The following ITFG1 variants were observed in gnomAD, a reference collection of about 807,000 sequenced individuals.
ITFG1 encodes T-cell immunomodulatory protein.
In ITFG1, 34 loss-of-function variants were observed where a neutral mutation model predicts 81.8. The ratio of observed to expected loss-of-function variants is 0.42; its 90% CI spans 0.32 to 0.55. The LOEUF is 0.55. Among genes scored for constraint, ITFG1 ranks in the 20% least tolerant of loss-of-function variants. The probability of loss-of-function intolerance (pLI) is 0.17; values close to 1 mark genes in which losing one functional copy is unlikely to be tolerated. For synonymous variants in ITFG1, 285 were observed against 270.6 expected, an observed-to-expected ratio of 1.05 and a Z score of -0.52; for missense variants, 672 against 755.4, an observed-to-expected ratio of 0.89 and a Z score of 1.29.
intron 2 of ITFG1, among the ~76,000 whole-genome samples, chr16:47,457,537 T>C (rs1180359426): frequency 1.3e-5 from 2 of 152,096 alleles, no homozygotes; most frequent in Non-Finnish European, 2.9e-5. Flanking sequence ...TTTTAAAATA[T>C]GGTAATAAAC....
intron 14 of ITFG1, among the ~76,000 whole-genome samples, chr16:47,209,184 G>A (rs2048009): frequency 0.014 from 2,070 of 152,102 alleles, 20 homozygotes; most frequent in Non-Finnish European, 0.022. Flanking sequence ...TTTGAAATTG[G>A]AATATATTTT....
chr16:47,358,252 G>GAGACA (rs1169758161), intron 8 of ITFG1, among the ~76,000 whole-genome samples: 1 of 152,166 alleles, frequency 6.6e-6, no homozygotes, highest in Non-Finnish European at 1.5e-5. Flanking sequence ...TAGGCTAAGG[G>GAGACA]AGACAAAGGT....
intron 14 of ITFG1, among the ~76,000 whole-genome samples, chr16:47,166,688 T>C (rs879381263): frequency 1.2e-4 from 19 of 152,136 alleles, no homozygotes; most frequent in Non-Finnish European, 1.2e-4. Flanking sequence ...CTATATCTTA[T>C]TTAAAAATTA....
intron 7 of ITFG1, among the ~76,000 whole-genome samples, chr16:47,371,195 T>G (rs1051742715): frequency 8.5e-5 from 13 of 152,228 alleles, no homozygotes; most frequent in Non-Finnish European, 1.9e-4. Flanking sequence ...ATTTCCTAGC[T>G]CAACTCGCAG....
At chr16:47,389,141 C>T (rs1002328694) in intron 6 of ITFG1, among the ~76,000 whole-genome samples, 1 of 152,116 alleles carries the variant, frequency 6.6e-6, no homozygotes, top group Non-Finnish European at 1.5e-5. Context: ...CTCTCCTGAA[C>T]CTTTTTCGGT....
chr16:47,204,920 A>G (rs529249655), intron 14 of ITFG1, among the ~76,000 whole-genome samples: 1 of 152,336 alleles, frequency 6.6e-6, no homozygotes, highest in Admixed American at 6.5e-5. Flanking sequence ...TGTATTCTCT[A>G]AACTCATATG....
At chr16:47,251,792 A>G (rs1966078742) in intron 12 of ITFG1, among the ~76,000 whole-genome samples, 1 of 152,270 alleles carries the variant, frequency 6.6e-6, no homozygotes, top group Non-Finnish European at 1.5e-5. Context: ...CAATAAACTA[A>G]TAATAAAATA....
chr16:47,233,430 AG>A (rs2151532484), intron 13 of ITFG1, among the ~76,000 whole-genome samples: 1 of 152,330 alleles, frequency 6.6e-6, no homozygotes, highest in South Asian at 2.1e-4. Flanking sequence ...GGTTCAGGGC[AG>A]GGGGGAACCC....
chr16:47,319,991 C>T (rs750125970), intron 8 of ITFG1, among the ~76,000 whole-genome samples: 4 of 152,072 alleles, frequency 2.6e-5, no homozygotes, highest in Non-Finnish European at 1.5e-5. Flanking sequence ...GCGCCATCTC[C>T]GCTCACTGCA....
At chr16:47,423,697 A>T (rs1179957662) in intron 6 of ITFG1, among the ~76,000 whole-genome samples, 1 of 152,174 alleles carries the variant, frequency 6.6e-6, no homozygotes, top group Non-Finnish European at 1.5e-5. Flanking sequence ...TATGAAGCTT[A>T]GTTTGGCTGG....
intron 6 of ITFG1, among the ~76,000 whole-genome samples, chr16:47,412,526 T>G (rs1596966785): frequency 6.6e-6 from 1 of 151,402 alleles, no homozygotes; most frequent in Non-Finnish European, 1.5e-5. Context: ...TACTGAAGAT[T>G]TAAAAAAAAA....
At chr16:47,428,243 A>G (rs1002224921) in intron 6 of ITFG1, among the ~76,000 whole-genome samples, 1 of 152,238 alleles carries the variant, frequency 6.6e-6, no homozygotes, top group African/African-American at 2.4e-5. Context: ...TTAAAAGTGA[A>G]ATTATATGTT....
At chr16:47,349,925 T>C (rs931276102) in intron 8 of ITFG1, among the ~76,000 whole-genome samples, 3 of 152,200 alleles carry the variant, frequency 2.0e-5, no homozygotes, top group African/African-American at 7.2e-5. Context: ...ACTGGTCAAC[T>C]ACATGGAAAC....
At position 47,307,093 on chromosome 16, in the gene ITFG1, C is replaced by CAAAAAAAAAAAA; in HGVS notation, c.1070+4135_1070+4146dup. On this transcript the variant is annotated intron_variant, in intron 10 of 17. Coordinates refer to ENST00000320640, the MANE Select transcript of ITFG1 (RefSeq NM_030790.5). ...TGGGTGACAGAGCAAAACTCCGTCT[C>CAAAAAAAAAAAA]AAAAAAAAAAAAAAAAAAAAAAAAA... Among the ~76,000 whole-genome samples the CAAAAAAAAAAAA allele has an allele frequency of 1.2e-3, 19 of 16,472 alleles. 5 individuals carry two copies. Among genetic ancestry groups the CAAAAAAAAAAAA allele is most frequent in the African/African-American group, 3.3e-3 (10 of 3,042 alleles). The allele number at this position is 16,472 out of a possible 152,430, so 10.8% of individuals were successfully genotyped here.
intron 12 of ITFG1, among the ~76,000 whole-genome samples, chr16:47,244,973 A>C (rs957491062): frequency 6.6e-6 from 1 of 152,054 alleles, no homozygotes; most frequent in African/African-American, 2.4e-5. Flanking sequence ...TGAGAAATAA[A>C]TTTCTGTTAA....
intron 7 of ITFG1, among the ~76,000 whole-genome samples, chr16:47,370,454 C>T (rs1968238090): frequency 6.6e-6 from 1 of 152,190 alleles, no homozygotes; most frequent in Non-Finnish European, 1.5e-5. Flanking sequence ...GGTCCCCTGT[C>T]CACTGAGAGC....
At chr16:47,398,079 C>T (rs1380607709) in intron 6 of ITFG1, among the ~76,000 whole-genome samples, 1 of 152,140 alleles carries the variant, frequency 6.6e-6, no homozygotes, top group African/African-American at 2.4e-5. Flanking sequence ...CTGGATGAGA[C>T]ACATCATGTC....
chr16:47,302,462 C>T (rs1178531257), intron 10 of ITFG1, among the ~76,000 whole-genome samples: 1 of 151,934 alleles, frequency 6.6e-6, no homozygotes, highest in Non-Finnish European at 1.5e-5. Flanking sequence ...AGCGTGCTGG[C>T]AGTCCTCACA....
At chr16:47,398,191 G>C (rs951523180) in intron 6 of ITFG1, among the ~76,000 whole-genome samples, 1 of 151,926 alleles carries the variant, frequency 6.6e-6, no homozygotes, top group African/African-American at 2.4e-5. Flanking sequence ...ACTAACAACA[G>C]AGAAAATATG....
Sources: gnomAD v4.1 joint callset for allele counts (sites outside exome capture counted in the v4.1 genomes callset) on GRCh38, gnomAD v4.1.1 for gene constraint, MANE v1.5 for transcripts, NCBI Gene and HGNC (gene_info 2026-07-23, HGNC 2026-07-21) for gene names.